MTUS1: variants seen among roughly 807,000 people sequenced by gnomAD.
MTUS1 encodes microtubule associated scaffold protein 1.
Under a neutral mutation model 120.8 loss-of-function variants are expected in MTUS1, and 109 were observed. That is an observed-to-expected ratio of 0.90 (90% CI 0.77 to 1.06). MTUS1 has a LOEUF of 1.06. MTUS1 is among the 50% of genes least tolerant of loss of function. MTUS1 has a pLI of 0.00. For missense variants in MTUS1, 2,210 were observed against 1,486.3 expected (o/e 1.49, Z -8.01); for synonymous variants, 737 against 550.5 (o/e 1.34, Z -4.74).
At chr8:17,656,791 G>C (rs192775658) in intron 8 of MTUS1, among the ~76,000 whole-genome samples, 24 of 151,850 alleles carry the variant, frequency 1.6e-4, no homozygotes, top group African/African-American at 5.1e-4. Context: ...AAGTGGACCG[G>C]CCGGGCGCGG....
intron 1 of MTUS1, among the ~76,000 whole-genome samples, chr8:17,782,862 G>T (rs183322432): frequency 3.3e-5 from 5 of 152,204 alleles, no homozygotes; most frequent in African/African-American, 7.2e-5. Flanking sequence ...TGGATCACCT[G>T]AAGTCAGGAG....
rs1420433730 is a variant in MTUS1 at position 17,789,512 on chromosome 8, T to C, written c.-155+11549A>G. Among the ~76,000 whole-genome samples the C allele has an allele frequency of 2.6e-5, 4 of 152,236 alleles. No individual in the cohort carries two copies. In the East Asian group the frequency reaches 7.7e-4, roughly 29 times the overall value. ...ATTTCCTTGTTTAGAAACTTCAGAG[T>C]TGTCCTCTCTCTCCAAAGTCCACTT... is the stretch of plus-strand genomic sequence containing the variant. On this transcript the variant is annotated intron_variant, in intron 1 of 14. Transcript: ENST00000693296.
At chr8:17,727,287 G>A (rs1356678237) in intron 3 of MTUS1, among the ~76,000 whole-genome samples, 1 of 152,222 alleles carries the variant, frequency 6.6e-6, no homozygotes. Context: ...GACTACTTAG[G>A]TGGTTAAATG....
At chr8:17,799,399 C>G (rs1217746527) in intron 1 of MTUS1, among the ~76,000 whole-genome samples, 2 of 151,996 alleles carry the variant, frequency 1.3e-5, no homozygotes, top group Non-Finnish European at 2.9e-5. Flanking sequence ...TTTAGATAAA[C>G]TATATAACTA....
intron 3 of MTUS1, among the ~76,000 whole-genome samples, chr8:17,729,703 G>A (rs953079065): frequency 5.3e-5 from 8 of 151,900 alleles, no homozygotes; most frequent in Non-Finnish European, 1.0e-4. Context: ...GCTTTTAAAC[G>A]CAGGAATTGA....
At chr8:17,663,675 A>G (rs1412960084) in intron 8 of MTUS1, among the ~76,000 whole-genome samples, 1 of 152,142 alleles carries the variant, frequency 6.6e-6, no homozygotes, top group Non-Finnish European at 1.5e-5. Context: ...AGCTCACTGC[A>G]ACCTCGGCCT....
intron 8 of MTUS1, among the ~76,000 whole-genome samples, chr8:17,674,142 GA>G: frequency 6.6e-6 from 1 of 152,114 alleles, no homozygotes; most frequent in Non-Finnish European, 1.5e-5. Flanking sequence ...AGTTGACGTA[GA>G]AAAGGGAGTG....
chr8:17,788,993 A>G (rs762727082), intron 1 of MTUS1, among the ~76,000 whole-genome samples: 4 of 152,116 alleles, frequency 2.6e-5, no homozygotes, highest in Non-Finnish European at 5.9e-5. Context: ...CAGTTATGCT[A>G]AAGAAATGAT....
chr8:17,746,134 A>G (rs769575217), intron 2 of MTUS1, among the ~76,000 whole-genome samples: 24 of 152,194 alleles, frequency 1.6e-4, no homozygotes, highest in Non-Finnish European at 3.1e-4. Context: ...TAGCAATGTG[A>G]GAACAGACTG....
intron 1 of MTUS1, among the ~76,000 whole-genome samples, chr8:17,799,173 G>A (rs1437516577): frequency 6.6e-6 from 1 of 152,142 alleles, no homozygotes; most frequent in African/African-American, 2.4e-5. Flanking sequence ...ACCATCAACT[G>A]TATTTCAAGG....
At chr8:17,763,831 G>C (rs961140802) in intron 1 of MTUS1, among the ~76,000 whole-genome samples, 2 of 152,170 alleles carry the variant, frequency 1.3e-5, no homozygotes, top group African/African-American at 4.8e-5. Context: ...GAATGTGAGT[G>C]GACATCATAT....
At chr8:17,713,410 G>C (rs1034148231) in intron 5 of MTUS1, among the ~76,000 whole-genome samples, 158 bp from the exon 6 acceptor site, 5 of 151,948 alleles carry the variant, frequency 3.3e-5, no homozygotes, top group Non-Finnish European at 7.4e-5. Flanking sequence ...CTTTTGTCAA[G>C]TGCATTTTAA....
At chr8:17,744,538 A>G (rs2131275145) in intron 2 of MTUS1, among the ~76,000 whole-genome samples, 1 of 152,196 alleles carries the variant, frequency 6.6e-6, no homozygotes, top group East Asian at 1.9e-4. Flanking sequence ...CTCCTGCCTC[A>G]GCCTCCTGAG....
chr8:17,700,538 G>GAT (rs1206797435), intron 6 of MTUS1, among the ~76,000 whole-genome samples: 1 of 148,846 alleles, frequency 6.7e-6, no homozygotes, highest in Admixed American at 6.7e-5. Flanking sequence ...ACAAAAACAT[G>GAT]ATTTAAAATT....
chr8:17,702,511 T>C (rs1056887608), intron 6 of MTUS1, among the ~76,000 whole-genome samples: 1 of 152,194 alleles, frequency 6.6e-6, no homozygotes, highest in African/African-American at 2.4e-5. Flanking sequence ...CTTTTCGCCC[T>C]TGCATAACAA....
chr8:17,797,964 T>C (rs2052381448), intron 1 of MTUS1, among the ~76,000 whole-genome samples: 1 of 152,042 alleles, frequency 6.6e-6, no homozygotes, highest in Non-Finnish European at 1.5e-5. Context: ...TGAGTAGCAG[T>C]ATTGGAAATT....
At chr8:17,654,515 T>C (rs772049434) in intron 10 of MTUS1, 46 bp downstream of exon 10, 1 of 1,217,372 alleles carries the variant, frequency 8.2e-7, no homozygotes, top group Non-Finnish European at 1.2e-6. Context: ...ATCATGTGGT[T>C]CCTTCAGATT....
chr8:17,775,768 C>G (rs944980715), intron 1 of MTUS1, among the ~76,000 whole-genome samples: 1 of 152,226 alleles, frequency 6.6e-6, no homozygotes, highest in African/African-American at 2.4e-5. Context: ...ACTGGGCAAA[C>G]AGAGCTCAGG....
At chr8:17,788,693 A>C (rs966065960) in intron 1 of MTUS1, among the ~76,000 whole-genome samples, 3 of 152,198 alleles carry the variant, frequency 2.0e-5, no homozygotes, top group Non-Finnish European at 4.4e-5. Flanking sequence ...CAGTTTATTG[A>C]ACAAAAATAA....
Sources: gnomAD v4.1 joint callset for allele counts (sites outside exome capture counted in the v4.1 genomes callset) on GRCh38, gnomAD v4.1.1 for gene constraint, MANE v1.5 for transcripts, NCBI Gene and HGNC (gene_info 2026-07-23, HGNC 2026-07-21) for gene names.